CDHR3: variants seen among roughly 807,000 people sequenced by gnomAD.
CDHR3 encodes the protein cadherin-related family member 3.
CDHR3 carries 79 observed loss-of-function variants against 86.6 expected under a neutral mutation model. The ratio of observed to expected loss-of-function variants is 0.91; its 90% CI spans 0.76 to 1.10. The LOEUF is 1.10. CDHR3 is among the 50% of genes least tolerant of loss of function. The probability of loss-of-function intolerance (pLI) is 0.00; values close to 1 mark genes in which losing one functional copy is unlikely to be tolerated. For synonymous variants in CDHR3, 421 were observed against 402.4 expected (o/e 1.05, Z -0.55); for missense variants, 1,081 against 1,077.6 (o/e 1.00, Z -0.04).
At chr7:106,006,727 C>T (rs564419470) in intron 8 of CDHR3, among the ~76,000 whole-genome samples, 1 of 152,210 alleles carries the variant, frequency 6.6e-6, no homozygotes, top group African/African-American at 2.4e-5. Context: ...TGGATGCTTT[C>T]ATGGGCTGGC....
chr7:105,980,926 C>A (rs1829640730), intron 2 of CDHR3, 42 bp from the exon 3 acceptor site: 4 of 1,553,412 alleles, frequency 2.6e-6, no homozygotes, highest in Non-Finnish European at 3.5e-6. Context: ...CAAAACAGAT[C>A]TTCTTTCACA....
intron 3 of CDHR3, among the ~76,000 whole-genome samples, 199 bp from the exon 4 acceptor site, chr7:105,983,993 G>A (rs1156838399): frequency 1.3e-5 from 2 of 152,140 alleles, no homozygotes; most frequent in East Asian, 3.9e-4. Flanking sequence ...GCCAACCCTA[G>A]CACTTTATGA....
At chr7:105,965,562 G>GCCC (rs372930710) in intron 1 of CDHR3, among the ~76,000 whole-genome samples, 1,197 of 55,716 alleles carry the variant, frequency 0.021, 23 homozygotes, top group South Asian at 0.035. Flanking sequence ...CCCAACTCAA[G>GCCC]CCCCACCCCC....
chr7:105,997,445 A>G (rs1229164886), intron 6 of CDHR3, among the ~76,000 whole-genome samples: 2 of 152,282 alleles, frequency 1.3e-5, no homozygotes, highest in South Asian at 4.1e-4. Context: ...TTCCATCAGC[A>G]CCTGATGCTG....
intron 10 of CDHR3, 123 bp downstream of exon 10, chr7:106,015,336 A>G: frequency 6.7e-6 from 5 of 742,624 alleles, no homozygotes; most frequent in Non-Finnish European, 1.1e-5. Context: ...TCATGCGGGG[A>G]CCCCCTCTTT....
chr7:106,029,746 T>C (rs1838051820), intron 17 of CDHR3, among the ~76,000 whole-genome samples: 1 of 152,190 alleles, frequency 6.6e-6, no homozygotes, highest in South Asian at 2.1e-4. Context: ...TGCAGGGCAC[T>C]GGAATTTTGG....
intron 1 of CDHR3, among the ~76,000 whole-genome samples, chr7:105,969,933 GA>G (rs1327812944): frequency 5.3e-5 from 8 of 152,120 alleles, no homozygotes; most frequent in Non-Finnish European, 1.2e-4. Context: ...GAGTTGACAG[GA>G]ACCCCCAGAG....
In CDHR3 at chr7:106,001,616, C is replaced by A; in HGVS notation, c.862+6C>A. The A allele has an allele frequency of 6.2e-7, 1 of 1,613,702 alleles. No individual in the cohort carries two copies. Among genetic ancestry groups the A allele is most frequent in the Non-Finnish European group, 8.5e-7 (1 of 1,179,690 alleles). On this transcript the variant is annotated splice_donor_region_variant and intron_variant, in intron 7 of 18. Coordinates refer to ENST00000317716, the MANE Select transcript of CDHR3 (RefSeq NM_152750.5). ...ATATTTCATGATAAATCAGTGTAAG[C>A]CACTCACTTCCATCCTTAAGTGCAT...
At chr7:105,992,525 G>A (rs978220951) in intron 4 of CDHR3, among the ~76,000 whole-genome samples, 2 of 152,154 alleles carry the variant, frequency 1.3e-5, no homozygotes, top group Admixed American at 1.3e-4. Context: ...CACAATCTGT[G>A]GGGCTGGGAG....
At chr7:106,027,267 C>T (rs780739813) in intron 16 of CDHR3, among the ~76,000 whole-genome samples, 2 of 151,908 alleles carry the variant, frequency 1.3e-5, no homozygotes, top group African/African-American at 2.4e-5. Context: ...CATGGTGGCA[C>T]GCACCTGTAG....
At chr7:105,984,722 A>G (rs1830273281) in intron 4 of CDHR3, among the ~76,000 whole-genome samples, 1 of 152,144 alleles carries the variant, frequency 6.6e-6, no homozygotes, top group African/African-American at 2.4e-5. Context: ...CCCCAAATCC[A>G]AGCATTTACC....
intron 4 of CDHR3, among the ~76,000 whole-genome samples, chr7:105,984,617 C>A (rs1256989704): frequency 6.6e-6 from 1 of 152,102 alleles, no homozygotes; most frequent in African/African-American, 2.4e-5. Context: ...CATGTAAAAC[C>A]ACTTAGTGCA....
intron 17 of CDHR3, among the ~76,000 whole-genome samples, chr7:106,029,528 G>A (rs988140147): frequency 1.0e-4 from 15 of 150,366 alleles, no homozygotes; most frequent in African/African-American, 3.7e-4. Context: ...TAGCTGGAAA[G>A]TTCCCTCTCC....
intron 8 of CDHR3, among the ~76,000 whole-genome samples, chr7:106,007,280 C>G (rs1834073274): frequency 6.6e-6 from 1 of 152,212 alleles, no homozygotes; most frequent in African/African-American, 2.4e-5. Context: ...GTGACATTTA[C>G]CCCATTGTCT....
chr7:105,981,142 C>T lies in CDHR3; in HGVS notation c.415+9C>T. 3.1e-6 allele frequency: 5 copies of T among 1,612,720 alleles called. No homozygotes were observed. Among genetic ancestry groups the T allele is most frequent in the Non-Finnish European group, 2.5e-6 (3 of 1,179,256 alleles). ...AGGCAACTTGGCAGAAGGTAGGATA[C>T]ACCAGGATGTGCACTGCAGCCCAGA... On this transcript the variant is annotated intron_variant, in intron 3 of 18. Coordinates refer to ENST00000317716, the MANE Select transcript of CDHR3 (RefSeq NM_152750.5).
At chr7:105,980,223 G>T (rs1348377702) in intron 2 of CDHR3, among the ~76,000 whole-genome samples, 1 of 152,170 alleles carries the variant, frequency 6.6e-6, no homozygotes, top group African/African-American at 2.4e-5. Flanking sequence ...GATGAGTCAA[G>T]ATATAACTTA....
chr7:105,979,478 T>A (rs1215963200), intron 2 of CDHR3, among the ~76,000 whole-genome samples: 1 of 152,190 alleles, frequency 6.6e-6, no homozygotes. Flanking sequence ...ATGTCCAACA[T>A]AATACCTACC....
At chr7:105,965,528 C>G (rs1262038199) in intron 1 of CDHR3, among the ~76,000 whole-genome samples, 2 of 148,548 alleles carry the variant, frequency 1.3e-5, no homozygotes, top group African/African-American at 2.4e-5. Flanking sequence ...TTCATGTGTT[C>G]TAACTCCTAT....
chr7:105,995,705 T>C (rs1207902571), intron 5 of CDHR3, among the ~76,000 whole-genome samples: 2 of 152,188 alleles, frequency 1.3e-5, no homozygotes, highest in East Asian at 3.9e-4. Context: ...AAATGGAAGA[T>C]GGCATTTTTT....
Sources: gnomAD v4.1 joint callset for allele counts (sites outside exome capture counted in the v4.1 genomes callset) on GRCh38, gnomAD v4.1.1 for gene constraint, MANE v1.5 for transcripts, NCBI Gene and HGNC (gene_info 2026-07-23, HGNC 2026-07-21) for gene names.